The following ADCY5 variants were observed in gnomAD, a reference collection of about 807,000 sequenced individuals.
ADCY5 encodes adenylate cyclase 5.
A neutral mutation model predicts 119.7 loss-of-function variants in ADCY5; 30 were observed. That is an observed-to-expected ratio of 0.25 (90% CI 0.19 to 0.34). ADCY5 has a LOEUF of 0.34. Among genes scored for constraint, ADCY5 ranks in the 10% least tolerant of loss-of-function variants. ADCY5 has a pLI of 1.00. For missense variants in ADCY5, 1,324 were observed against 1,775.2 expected, an observed-to-expected ratio of 0.75 and a Z score of 4.57; for synonymous variants, 753 against 762.2, an observed-to-expected ratio of 0.99 and a Z score of 0.20.
chr3:123,364,392 G>A (rs1943361058), intron 1 of ADCY5, among the ~76,000 whole-genome samples: 1 of 152,166 alleles, frequency 6.6e-6, no homozygotes, highest in Non-Finnish European at 1.5e-5. Context: ...AATCATGTCT[G>A]GGCAGTGGGG....
chr3:123,308,065 G>A (rs1175300354), intron 12 of ADCY5, among the ~76,000 whole-genome samples: 5 of 115,354 alleles, frequency 4.3e-5, no homozygotes, highest in South Asian at 2.8e-4. Context: ...ACAGAGTCTC[G>A]CTCTGTCGCC....
intron 7 of ADCY5, 31 bp downstream of exon 7, chr3:123,327,587 C>A: frequency 6.3e-7 from 1 of 1,598,686 alleles, no homozygotes; most frequent in Non-Finnish European, 8.5e-7. Flanking sequence ...GGAAGGGAGC[C>A]CCTCAGCCCC....
At position 123,307,465 on chromosome 3, in the gene ADCY5, A is replaced by G. The variant is rs373967279; in HGVS notation, c.2443-3282T>C. On this transcript the variant is annotated intron_variant, in intron 12 of 20. Transcript: ENST00000462833. ...AACAGAAAAGTTAGTTAATATCTGC[A>G]TTTTAAAGAGCTATATTGCCAATAA... 3.7e-4 allele frequency among the ~76,000 whole-genome samples: 57 copies of G among 152,324 alleles called. 1 individual carries two copies. Among genetic ancestry groups the G allele is most frequent in the East Asian group, 2.9e-3 (15 of 5,188 alleles).
At chr3:123,293,212 A>T (rs1277522849) in intron 17 of ADCY5, among the ~76,000 whole-genome samples, 6 of 152,184 alleles carry the variant, frequency 3.9e-5, no homozygotes, top group Non-Finnish European at 7.4e-5. Context: ...CAGTTAGGCT[A>T]GGAGGGGGCC....
At chr3:123,342,646 A>G (rs986985902) in intron 3 of ADCY5, among the ~76,000 whole-genome samples, 14 of 151,650 alleles carry the variant, frequency 9.2e-5, no homozygotes, top group African/African-American at 3.4e-4. Flanking sequence ...TAGAGGAGAC[A>G]GCTTTCTCGC....
At chr3:123,317,098 G>T (rs1940951111) in intron 11 of ADCY5, among the ~76,000 whole-genome samples, 1 of 152,018 alleles carries the variant, frequency 6.6e-6, no homozygotes, top group East Asian at 1.9e-4. Flanking sequence ...AGGCACTTAT[G>T]TTTCTCTCCC....
chr3:123,286,999 C>T lies in ADCY5; in HGVS notation c.3533-190G>A. On this transcript the variant is annotated intron_variant, in intron 19 of 20. Transcript: ENST00000462833. The surrounding 1 kb of genome is among the most constrained non-coding windows in gnomAD (Gnocchi z 4.2). ...CTGTCAAATGCCTGTGAATGCAAGACACAAGGAGCCTGCACCTGTGTCCTC... is the reference window on the plus strand; with the variant it reads ...CTGTCAAATGCCTGTGAATGCAAGATACAAGGAGCCTGCACCTGTGTCCTC... The T allele has an allele frequency of 1.4e-6, 1 of 720,166 alleles. No individual in the cohort carries two copies. The highest frequency in any genetic ancestry group is 2.1e-6 in the Non-Finnish European group (1 of 471,172). The allele number at this position is 720,166 out of a possible 1,614,324, so 44.6% of individuals were successfully genotyped here. A position where few individuals can be genotyped will look rare whatever the true frequency, so the allele number is the denominator to read the frequency against.
At chr3:123,312,953 G>A (rs1342045683) in intron 12 of ADCY5, among the ~76,000 whole-genome samples, 1 of 152,204 alleles carries the variant, frequency 6.6e-6, no homozygotes. Flanking sequence ...AGGAGTGGCT[G>A]AACATGGGGC....
At chr3:123,393,558 A>G (rs1024234801) in intron 1 of ADCY5, among the ~76,000 whole-genome samples, 5 of 149,434 alleles carry the variant, frequency 3.3e-5, no homozygotes, top group Non-Finnish European at 7.4e-5. Context: ...CCCTGTTTCT[A>G]AAAAATTAAA....
At chr3:123,289,610 ACAC>A (rs1182175716) in intron 19 of ADCY5, 137 bp downstream of exon 19, 29 of 979,474 alleles carry the variant, frequency 3.0e-5, no homozygotes, top group African/African-American at 9.5e-5. Context: ...GGCAGGGAAC[ACAC>A]CACATCAGCC....
chr3:123,447,971 T>C lies in ADCY5; in HGVS notation c.575A>G (p.Asp192Gly), dbSNP rs745928591. 1 of 1,445,558 alleles carries C rather than the reference T, an allele frequency of 6.9e-7. No homozygotes were observed. Among genetic ancestry groups the C allele is most frequent in the South Asian group, 1.5e-5 (1 of 67,698 alleles). 89.5% of individuals were successfully genotyped at this position (1,445,558 alleles called of 1,614,324 possible). The part of the protein sequence containing the change: ...EGSGDGGSSA[D>G]SGSGAGPGAV... Reference sequence around the variant, plus strand: ...GCCGGGCCCCGCGCCCGAGCCCGAGTCCGCCGAGCTGCCGCCATCCCCGGA... The same window carrying C: ...GCCGGGCCCCGCGCCCGAGCCCGAGCCCGCCGAGCTGCCGCCATCCCCGGA... Residue 192 changes from aspartate (D) to glycine (G), a missense_variant, in exon 1 of 21, where the codon GAC becomes GGC. By Grantham distance (94) the Asp-to-Gly change is moderately conservative. This residue lies in a region of ADCY5 where 585 missense variants were observed against 569.9 expected (regional missense o/e 1.03). Transcript: ENST00000462833.
At chr3:123,332,762 T>C in intron 3 of ADCY5, 87 bp from the exon 4 acceptor site, 1 of 941,220 alleles carries the variant, frequency 1.1e-6, no homozygotes, top group South Asian at 1.4e-5. Flanking sequence ...TTTTTTCTTT[T>C]CTTTTTTTTT....
At chr3:123,319,291 T>C (rs936063621) in intron 10 of ADCY5, among the ~76,000 whole-genome samples, 7 of 148,276 alleles carry the variant, frequency 4.7e-5, no homozygotes, top group Non-Finnish European at 7.4e-5. Flanking sequence ...GGGGAGGAGG[T>C]TGCAGTGAGC....
At chr3:123,350,571 A>G (rs1942788733) in intron 2 of ADCY5, among the ~76,000 whole-genome samples, 1 of 152,176 alleles carries the variant, frequency 6.6e-6, no homozygotes, top group Non-Finnish European at 1.5e-5. Flanking sequence ...GGGGCCGCTG[A>G]GGAACAATTC....
At chr3:123,412,829 AG>A (rs1461486908) in intron 1 of ADCY5, among the ~76,000 whole-genome samples, 1 of 151,876 alleles carries the variant, frequency 6.6e-6, no homozygotes, top group Non-Finnish European at 1.5e-5. Flanking sequence ...AAAAAAAAAA[AG>A]GCAGTCATGG....
At chr3:123,440,217 C>A (rs965551722) in intron 1 of ADCY5, among the ~76,000 whole-genome samples, 3 of 152,146 alleles carry the variant, frequency 2.0e-5, no homozygotes, top group Non-Finnish European at 4.4e-5. Flanking sequence ...GGATTCCCTC[C>A]AAAAGACAAG....
intron 13 of ADCY5, 83 bp downstream of exon 13, chr3:123,303,984 A>G: frequency 1.0e-6 from 1 of 986,974 alleles, no homozygotes; most frequent in Non-Finnish European, 1.6e-6. Flanking sequence ...AGTCTCTCCT[A>G]GGCCTGCTTG....
At chr3:123,339,109 G>A (rs1355494163) in intron 3 of ADCY5, among the ~76,000 whole-genome samples, 1 of 152,234 alleles carries the variant, frequency 6.6e-6, no homozygotes, top group Non-Finnish European at 1.5e-5. Flanking sequence ...GAAGTTGGGA[G>A]CTGAAGGTGC....
At chr3:123,415,785 A>G (rs1249344459) in intron 1 of ADCY5, among the ~76,000 whole-genome samples, 1 of 152,212 alleles carries the variant, frequency 6.6e-6, no homozygotes, top group African/African-American at 2.4e-5. Flanking sequence ...GAAACTGAGC[A>G]TCTTTAGTGG....
Sources: allele counts gnomAD v4.1 joint callset (sites outside exome capture counted in the v4.1 genomes callset), GRCh38; gene constraint gnomAD v4.1.1; regional missense constraint gnomAD v4.1.1; non-coding constraint Gnocchi (gnomAD v3.1); transcripts MANE v1.5; gene names NCBI Gene and HGNC (gene_info 2026-07-23, HGNC 2026-07-21).